The following JAKMIP2 variants were observed in gnomAD, a reference collection of about 807,000 sequenced individuals.
JAKMIP2 encodes the protein janus kinase and microtubule interacting protein 2.
A neutral mutation model predicts 115.0 loss-of-function variants in JAKMIP2; 25 were observed. That is an observed-to-expected ratio of 0.22 (90% CI 0.16 to 0.30). The LOEUF is 0.30. Among genes scored for constraint, JAKMIP2 ranks in the 10% least tolerant of loss-of-function variants. The pLI is 1.00. For missense variants in JAKMIP2, 642 were observed against 957.6 expected, an observed-to-expected ratio of 0.67 and a Z score of 4.35; for synonymous variants, 334 against 343.6, an observed-to-expected ratio of 0.97 and a Z score of 0.31.
At chr5:147,730,960 T>C (rs1232370514) in intron 1 of JAKMIP2, among the ~76,000 whole-genome samples, 1 of 152,212 alleles carries the variant, frequency 6.6e-6, no homozygotes, top group Non-Finnish European at 1.5e-5. Context: ...CCTATATTTA[T>C]CATGATGGTC....
At chr5:147,778,457 A>G (rs1307721766) in intron 1 of JAKMIP2, among the ~76,000 whole-genome samples, 1 of 152,080 alleles carries the variant, frequency 6.6e-6, no homozygotes, top group Non-Finnish European at 1.5e-5. Context: ...AAATTATCTT[A>G]CCAATTAAAA....
At chr5:147,703,781 A>T (rs978967502) in intron 1 of JAKMIP2, among the ~76,000 whole-genome samples, 1 of 151,846 alleles carries the variant, frequency 6.6e-6, no homozygotes, top group African/African-American at 2.4e-5. Flanking sequence ...TTTTTACTTC[A>T]TAAACTTTTT....
At chr5:147,769,537 A>G (rs923311494) in intron 1 of JAKMIP2, among the ~76,000 whole-genome samples, 1 of 152,160 alleles carries the variant, frequency 6.6e-6, no homozygotes, top group East Asian at 1.9e-4. Flanking sequence ...AATAATTACT[A>G]TGAACTAAAC....
intron 1 of JAKMIP2, among the ~76,000 whole-genome samples, chr5:147,681,221 A>T (rs185640683): frequency 1.6e-4 from 25 of 152,310 alleles, no homozygotes; most frequent in African/African-American, 6.0e-4. Context: ...CACATACAAG[A>T]GACATCCAGC....
At chr5:147,679,999 G>T (rs1760175099) in intron 1 of JAKMIP2, among the ~76,000 whole-genome samples, 1 of 152,128 alleles carries the variant, frequency 6.6e-6, no homozygotes, top group Non-Finnish European at 1.5e-5. Context: ...ATCAGAAACT[G>T]GTTTTGAATA....
intron 20 of JAKMIP2, among the ~76,000 whole-genome samples, chr5:147,602,744 T>C (rs13354603): frequency 0.46 from 70,341 of 152,068 alleles, 20,063 homozygotes; most frequent in Non-Finnish European, 0.65. Flanking sequence ...AGTAAGTCTT[T>C]TACTTGATTA....
chr5:147,700,238 T>G (rs1235369191), intron 1 of JAKMIP2, among the ~76,000 whole-genome samples: 4 of 151,820 alleles, frequency 2.6e-5, no homozygotes, highest in Non-Finnish European at 4.4e-5. Flanking sequence ...ATGAAAAATA[T>G]TAAAAATAAA....
chr5:147,621,862 T>C lies in JAKMIP2; in HGVS notation c.2065-1119A>G, dbSNP rs137963291. On this transcript the variant is annotated intron_variant, in intron 17 of 21. Coordinates refer to ENST00000616793, the MANE Select transcript of JAKMIP2 (RefSeq NM_001270941.2). ...AATGATAACATTAATCATAATCTTG[T>C]TATAAATTTCTGTTTTTTTTTTGAG... Among the ~76,000 whole-genome samples the C allele has an allele frequency of 5.9e-3, 905 of 152,230 alleles. 15 individuals carry two copies. Among genetic ancestry groups the C allele is most frequent in the African/African-American group, 0.021 (871 of 41,488 alleles).
chr5:147,660,120 C>G (rs1457273637), intron 3 of JAKMIP2, among the ~76,000 whole-genome samples: 1 of 151,988 alleles, frequency 6.6e-6, no homozygotes, highest in African/African-American at 2.4e-5. Flanking sequence ...GCTAAACATC[C>G]GAATGCAGAT....
At chr5:147,727,564 T>C (rs1753568797) in intron 1 of JAKMIP2, among the ~76,000 whole-genome samples, 1 of 152,090 alleles carries the variant, frequency 6.6e-6, no homozygotes, top group African/African-American at 2.4e-5. Flanking sequence ...GAACTTACCG[T>C]CATGAGAACA....
At chr5:147,696,102 T>C (rs1752096915) in intron 1 of JAKMIP2, among the ~76,000 whole-genome samples, 1 of 152,196 alleles carries the variant, frequency 6.6e-6, no homozygotes, top group South Asian at 2.1e-4. Context: ...GGACAAAATT[T>C]AGTAAACATA....
intron 1 of JAKMIP2, among the ~76,000 whole-genome samples, chr5:147,738,525 G>C (rs1247456454): frequency 5.9e-5 from 9 of 152,084 alleles, no homozygotes; most frequent in Non-Finnish European, 1.5e-5. Flanking sequence ...AGTACCCACT[G>C]GCATAAATCT....
intron 1 of JAKMIP2, among the ~76,000 whole-genome samples, chr5:147,683,779 G>C (rs1380422308): frequency 1.3e-5 from 2 of 152,028 alleles, no homozygotes; most frequent in African/African-American, 4.8e-5. Flanking sequence ...ATGTGTGCCT[G>C]CTACTTAAAA....
chr5:147,689,133 G>C (rs903363275), intron 1 of JAKMIP2, among the ~76,000 whole-genome samples: 1 of 152,162 alleles, frequency 6.6e-6, no homozygotes, highest in Non-Finnish European at 1.5e-5. Flanking sequence ...TAGTACAAGA[G>C]CTCCACAGTG....
chr5:147,725,471 T>C (rs77440513), intron 1 of JAKMIP2, among the ~76,000 whole-genome samples: 619 of 152,262 alleles, frequency 4.1e-3, no homozygotes, highest in African/African-American at 0.014. Flanking sequence ...GGATCTGCAC[T>C]GGGACCTACC....
chr5:147,767,379 T>G (rs1755193535), intron 1 of JAKMIP2, among the ~76,000 whole-genome samples: 1 of 152,170 alleles, frequency 6.6e-6, no homozygotes, highest in Non-Finnish European at 1.5e-5. Flanking sequence ...CAACACTTCC[T>G]TTTCACTTAA....
At chr5:147,700,917 G>A (rs1327170621) in intron 1 of JAKMIP2, among the ~76,000 whole-genome samples, 1 of 152,142 alleles carries the variant, frequency 6.6e-6, no homozygotes, top group African/African-American at 2.4e-5. Flanking sequence ...AGCAGAAAGT[G>A]GAAACTAAGG....
intron 1 of JAKMIP2, among the ~76,000 whole-genome samples, chr5:147,747,332 C>T (rs1476882091): frequency 1.3e-5 from 2 of 152,068 alleles, no homozygotes; most frequent in South Asian, 2.1e-4. Context: ...ATGCTTAAAA[C>T]GTCACTTCTA....
intron 1 of JAKMIP2, among the ~76,000 whole-genome samples, chr5:147,685,597 A>T (rs1561537757): frequency 1.3e-5 from 2 of 152,208 alleles, no homozygotes; most frequent in African/African-American, 2.4e-5. Flanking sequence ...GTTTTTACAG[A>T]AATCATATTT....
Sources: allele counts gnomAD v4.1 joint callset (sites outside exome capture counted in the v4.1 genomes callset), GRCh38; gene constraint gnomAD v4.1.1; transcripts MANE v1.5; gene names NCBI Gene and HGNC (gene_info 2026-07-23, HGNC 2026-07-21).